Variants in DAB1 observed in about 807,000 individuals in gnomAD.
DAB1 encodes the protein disabled homolog 1.
In DAB1, 15 loss-of-function variants were observed where a neutral mutation model predicts 64.6. The ratio of observed to expected loss-of-function variants is 0.23; its 90% confidence interval spans 0.16 to 0.36. The LOEUF is 0.36. Ranked by LOEUF, DAB1 falls within the 10% of genes least tolerant of loss-of-function variation. The probability of loss-of-function intolerance (pLI) is 1.00; values close to 1 mark genes in which losing one functional copy is unlikely to be tolerated. For missense variants in DAB1, 596 were observed against 706.7 expected (o/e 0.84, Z 1.78); for synonymous variants, 235 against 251.9 (o/e 0.93, Z 0.64).
chr1:57,760,633 C>T (rs1257460076), intron 6 of DAB1, among the ~76,000 whole-genome samples: 3 of 148,196 alleles, frequency 2.0e-5, no homozygotes, highest in Non-Finnish European at 4.5e-5. Flanking sequence ...CACACACACA[C>T]ACACACACAG....
At chr1:57,416,242 G>A (rs1215684819) in intron 1 of DAB1, among the ~76,000 whole-genome samples, 1 of 152,160 alleles carries the variant, frequency 6.6e-6, no homozygotes, top group Non-Finnish European at 1.5e-5. Flanking sequence ...TTAAGGTGAT[G>A]TAAATTTTTT....
chr1:57,510,290 C>T (rs1291506363), intron 7 of DAB1, among the ~76,000 whole-genome samples: 4 of 152,096 alleles, frequency 2.6e-5, no homozygotes, highest in African/African-American at 7.2e-5. Flanking sequence ...AGCTGACCAC[C>T]GCCTCCTTCT....
Position 58,447,538 on chromosome 1 carries a change from CAA to C in DAB1, n.257+58520_257+58521del, listed in dbSNP as rs143039504. Among the ~76,000 whole-genome samples, 1,238 of 152,166 alleles carry C rather than the reference CAA, an allele frequency of 8.1e-3. 20 individuals are homozygous for C. Among genetic ancestry groups the C allele is most frequent in the African/African-American group, 0.029 (1,185 of 41,506 alleles). On this transcript the variant is annotated intron_variant and non_coding_transcript_variant, in intron 3 of 20. Coordinates refer to the DAB1 transcript ENST00000485760. ...TAGCTACAAGAGACACAGTGGTCAG[CAA>C]AAGAAACACTGCCAGCCTTCCCAGA...
chr1:58,540,620 ACAG>A (rs1412774232), intron 1 of DAB1, among the ~76,000 whole-genome samples: 2 of 150,384 alleles, frequency 1.3e-5, no homozygotes, highest in Admixed American at 6.7e-5. Context: ...GATGAGACTA[ACAG>A]CAGATTAACA....
At chr1:57,439,556 G>A (rs1333937340) in intron 7 of DAB1, among the ~76,000 whole-genome samples, 1 of 148,640 alleles carries the variant, frequency 6.7e-6, no homozygotes, top group Non-Finnish European at 1.5e-5. Context: ...AGCCTCCCGA[G>A]TAGCTGGGAC....
At chr1:57,718,365 T>C (rs533463597) in intron 6 of DAB1, among the ~76,000 whole-genome samples, 32 of 152,220 alleles carry the variant, frequency 2.1e-4, no homozygotes, top group African/African-American at 7.5e-4. Flanking sequence ...TTAAGGGGGA[T>C]AAAGATGGAT....
chr1:57,527,167 A>G (rs993695551), intron 7 of DAB1, among the ~76,000 whole-genome samples: 13 of 152,134 alleles, frequency 8.5e-5, no homozygotes, highest in African/African-American at 3.1e-4. Context: ...CTTCTACTGT[A>G]TGCCACTATT....
chr1:57,080,858 G>A (rs1273816257), intron 4 of DAB1, among the ~76,000 whole-genome samples: 1 of 151,972 alleles, frequency 6.6e-6, no homozygotes, highest in Non-Finnish European at 1.5e-5. Context: ...TAAGGATGTG[G>A]CTACGTATAA....
intron 2 of DAB1, among the ~76,000 whole-genome samples, chr1:57,207,185 C>A (rs1429077530): frequency 4.0e-5 from 6 of 151,054 alleles, no homozygotes; most frequent in Non-Finnish European, 8.9e-5. Flanking sequence ...GTCAGGCTGG[C>A]CTTGAACTCC....
intron 4 of DAB1, among the ~76,000 whole-genome samples, chr1:58,177,772 G>A (rs969711692): frequency 3.3e-5 from 5 of 151,600 alleles, no homozygotes; most frequent in African/African-American, 1.2e-4. Flanking sequence ...TGATGAAGCT[G>A]TCTGACTCCA....
upstream of DAB1, among the ~76,000 whole-genome samples, chr1:57,885,203 C>T (rs1475020361): frequency 1.3e-5 from 2 of 152,114 alleles, no homozygotes; most frequent in Non-Finnish European, 2.9e-5. Flanking sequence ...TTAAGCATAG[C>T]TTTTAGTTTT....
At chr1:57,047,468 G>A (rs188592574) in intron 9 of DAB1, among the ~76,000 whole-genome samples, 2 of 152,166 alleles carry the variant, frequency 1.3e-5, no homozygotes, top group South Asian at 2.1e-4. Context: ...CTTATAAGAA[G>A]GGGAAGAGAT....
chr1:57,798,921 A>G (rs1477422610), intron 6 of DAB1, among the ~76,000 whole-genome samples: 1 of 152,172 alleles, frequency 6.6e-6, no homozygotes, highest in Non-Finnish European at 1.5e-5. Flanking sequence ...TGGAAAGTTT[A>G]TTTTTGTCAA....
At chr1:58,349,758 T>C (rs543309531) in intron 3 of DAB1, among the ~76,000 whole-genome samples, 2 of 152,278 alleles carry the variant, frequency 1.3e-5, no homozygotes, top group Admixed American at 1.3e-4. Flanking sequence ...GGTTTCCAGC[T>C]TCATCCATGT....
At chr1:57,502,588 T>C (rs1004802647) in intron 7 of DAB1, among the ~76,000 whole-genome samples, 1 of 152,208 alleles carries the variant, frequency 6.6e-6, no homozygotes, top group Non-Finnish European at 1.5e-5. Flanking sequence ...TCTTTCCATA[T>C]CCTTATCACA....
intron 5 of DAB1, among the ~76,000 whole-genome samples, chr1:58,122,328 A>T (rs924941129): frequency 2.6e-5 from 4 of 152,182 alleles, no homozygotes; most frequent in African/African-American, 9.7e-5. Context: ...ATGTGGGCCT[A>T]ATTTCCTGCT....
chr1:57,129,407 G>T lies in DAB1; in HGVS notation c.306+7136C>A, dbSNP rs141643263. ...CAGAGACCCAATTTTTCCCCTTAAA[G>T]GTTCTATCTATTTGACATTAAAATA... is the stretch of plus-strand genomic sequence containing the variant. On this transcript the variant is annotated intron_variant, in intron 4 of 14. Transcript: ENST00000371236. Among the ~76,000 whole-genome samples, 9 of 152,118 alleles carry T rather than the reference G, an allele frequency of 5.9e-5. No homozygotes were observed. The East Asian group carries it at 1.4e-3, about 23-fold the overall frequency.
At chr1:57,986,375 A>G (rs1646218847) in intron 5 of DAB1, among the ~76,000 whole-genome samples, 2 of 152,102 alleles carry the variant, frequency 1.3e-5, no homozygotes, top group African/African-American at 2.4e-5. Context: ...CTATTCTACT[A>G]CTTGAAGATA....
intron 1 of DAB1, among the ~76,000 whole-genome samples, chr1:58,532,075 C>G (rs1276058082): frequency 6.6e-6 from 1 of 152,016 alleles, no homozygotes. Flanking sequence ...GAAGAGAAAG[C>G]CCTTGTTATT....
Sources: gnomAD v4.1 joint callset for allele counts (sites outside exome capture counted in the v4.1 genomes callset) on GRCh38, gnomAD v4.1.1 for gene constraint, MANE v1.5 for transcripts, NCBI Gene and HGNC (gene_info 2026-07-23, HGNC 2026-07-21) for gene names.